PCNT: variants seen among roughly 807,000 people sequenced by gnomAD.
PCNT encodes pericentrin.
PCNT carries 319 observed loss-of-function variants against 380.4 expected under a neutral mutation model. The observed-to-expected ratio is 0.84, with a 90% CI of 0.77 to 0.92. PCNT has a LOEUF of 0.92. Ranked by LOEUF, PCNT falls within the 40% of genes least tolerant of loss-of-function variation. PCNT has a pLI of 0.00. For missense variants in PCNT, 4,400 were observed against 4,255.3 expected (o/e 1.03, Z -0.95); for synonymous variants, 1,845 against 1,735.2 (o/e 1.06, Z -1.57).
Position 46,443,793 on chromosome 21 carries a change from A to G in PCNT, c.9701-17A>G. ...TTATTTTCCTAATCCCTTGGTTGTT[A>G]AATAATTCTGGGGAAGGGCCCCGAG... is the stretch of plus-strand genomic sequence containing the variant. On this transcript the variant is annotated splice_polypyrimidine_tract_variant and intron_variant, in intron 44 of 46. Coordinates refer to ENST00000359568, the MANE Select transcript of PCNT (RefSeq NM_006031.6). The G allele has an allele frequency of 6.2e-7, 1 of 1,613,530 alleles. No homozygotes were observed. The highest frequency in any genetic ancestry group is 2.2e-5 in the East Asian group (1 of 44,882).
chr21:46,357,335 G>A (rs989830002), intron 13 of PCNT, 144 bp downstream of exon 13: 3 of 711,576 alleles, frequency 4.2e-6, no homozygotes, highest in African/African-American at 1.7e-5. Context: ...CGACAGTCCC[G>A]TAAATTCTTG....
intron 31 of PCNT, among the ~76,000 whole-genome samples, chr21:46,418,917 C>G (rs1168783661): frequency 6.6e-6 from 1 of 152,186 alleles, no homozygotes; most frequent in African/African-American, 2.4e-5. Flanking sequence ...TGTGATGGTG[C>G]CTGCCAGGTT....
At chr21:46,444,445 T>C (rs548064321) in intron 45 of PCNT, among the ~76,000 whole-genome samples, 1 of 152,186 alleles carries the variant, frequency 6.6e-6, no homozygotes, top group East Asian at 1.9e-4. Flanking sequence ...AATAGATACA[T>C]CGTCGAAGAT....
chr21:46,376,425 C>CG (rs2085334393), intron 15 of PCNT, among the ~76,000 whole-genome samples: 1 of 152,188 alleles, frequency 6.6e-6, no homozygotes, highest in African/African-American at 2.4e-5. Context: ...GGTTTGCCCT[C>CG]GGGCCCCACA....
At position 46,383,123 on chromosome 21, in the gene PCNT, T is replaced by C. The variant is rs1227061432; in HGVS notation, c.3312+1283T>C. Among the ~76,000 whole-genome samples, 287 of 102,394 alleles carry C rather than the reference T, an allele frequency of 2.8e-3. 5 individuals are homozygous for C. Among genetic ancestry groups the C allele is most frequent in the East Asian group, 0.018 (53 of 2,902 alleles). 67.2% of individuals were successfully genotyped at this position (102,394 alleles called of 152,430 possible). A position where few individuals can be genotyped will look rare whatever the true frequency, so the allele number is the denominator to read the frequency against. ...ATTCACAGTGCTGTGCATTCAGTGG[T>C]GGAAGCCCATTCACGGTGTTGTGCA... On this transcript the variant is annotated intron_variant, in intron 16 of 46. Transcript: ENST00000359568.
chr21:46,349,436 G>T (rs2084188935), intron 7 of PCNT, among the ~76,000 whole-genome samples: 1 of 152,192 alleles, frequency 6.6e-6, no homozygotes, highest in African/African-American at 2.4e-5. Context: ...TTACAAAGCA[G>T]CAGCTTTGTG....
intron 27 of PCNT, 112 bp downstream of exon 27, chr21:46,402,595 G>A (rs113004695): frequency 1.1e-5 from 13 of 1,154,684 alleles, no homozygotes; most frequent in Admixed American, 1.1e-4. Flanking sequence ...ACAGACGCCC[G>A]TGGCCCCCAT....
chr21:46,433,965 C>T (rs962242455), intron 38 of PCNT, among the ~76,000 whole-genome samples: 6 of 152,126 alleles, frequency 3.9e-5, no homozygotes, highest in Non-Finnish European at 7.3e-5. Context: ...TTAGTAGAGA[C>T]GGGGTTTTAC....
chr21:46,393,043 G>A (rs1017305218), intron 21 of PCNT, among the ~76,000 whole-genome samples: 2 of 152,134 alleles, frequency 1.3e-5, no homozygotes, highest in Non-Finnish European at 2.9e-5. Context: ...GCCCTTGCTC[G>A]GGGGTGGATT....
At chr21:46,408,036 G>GT (rs1001507418) in intron 27 of PCNT, among the ~76,000 whole-genome samples, 2 of 151,944 alleles carry the variant, frequency 1.3e-5, no homozygotes, top group Non-Finnish European at 2.9e-5. Context: ...AGTAAAATTA[G>GT]TTTTTTTTAG....
At chr21:46,339,866 G>A (rs1443655771) in intron 3 of PCNT, among the ~76,000 whole-genome samples, 1 of 152,054 alleles carries the variant, frequency 6.6e-6, no homozygotes, top group Non-Finnish European at 1.5e-5. Context: ...GGGATCTAGG[G>A]TTTTCTTCAA....
intron 17 of PCNT, 129 bp downstream of exon 17, chr21:46,386,112 C>G (rs934809557): frequency 9.4e-7 from 1 of 1,064,634 alleles, no homozygotes; most frequent in Middle Eastern, 2.9e-4. Flanking sequence ...TCCTGGTGGA[C>G]GGGGACCCGG....
At chr21:46,430,744 T>C (rs1014627974) in intron 37 of PCNT, 87 bp downstream of exon 37, 13 of 1,544,412 alleles carry the variant, frequency 8.4e-6, no homozygotes, top group Non-Finnish European at 1.1e-5. Context: ...CTTCTTTTCC[T>C]GTTCTTCATG....
chr21:46,416,093 TGTCAGCTGCCGAAG>T lies in PCNT; in HGVS notation c.6179_6192del (p.Gln2060ArgfsTer48), dbSNP rs747771164. 2.5e-6 allele frequency: 4 copies of T among 1,614,152 alleles called. No individual in the cohort carries two copies. In the South Asian group the frequency reaches 4.4e-5, roughly 18 times the overall value. On this transcript the variant is annotated frameshift_variant, in exon 30 of 47. Transcript: ENST00000359568. LOFTEE classifies it high-confidence loss of function. ...GGGTAAAGAAAAAGTACTGGAAGAT[TGTCAGCTGCCGAAG>T]GTCGATCTCGTAGCTCAGGTGAAAC...
intron 31 of PCNT, among the ~76,000 whole-genome samples, chr21:46,421,373 G>A (rs1047203805): frequency 1.4e-4 from 22 of 152,278 alleles, no homozygotes; most frequent in African/African-American, 4.8e-4. Context: ...TCCCTTACAC[G>A]ATCCTGCCTC....
chr21:46,325,302 C>A, intron 1 of PCNT: 1 of 728,412 alleles, frequency 1.4e-6, no homozygotes, highest in Non-Finnish European at 1.7e-6. Context: ...CGGGGCTAGG[C>A]CGGGGAAGGG....
Position 46,445,469 on chromosome 21 carries a change from G to T in PCNT, c.*142G>T, listed in dbSNP as rs1343918736. ...CCAGCCCCCAGATGCCTTGAATTAA[G>T]TGTCCTCACCTTTATGCATGACTGC... On this transcript the variant is annotated 3_prime_UTR_variant, in exon 47 of 47. Transcript: ENST00000359568. 3 of 762,562 alleles carry T rather than the reference G, an allele frequency of 3.9e-6. No homozygotes were observed. Among genetic ancestry groups the T allele is most frequent in the Non-Finnish European group, 7.2e-6 (3 of 415,958 alleles). The allele number at this position is 762,562 out of a possible 1,614,324, so 47.2% of individuals were successfully genotyped here.
intron 33 of PCNT, 85 bp downstream of exon 33, chr21:46,426,056 C>A: frequency 6.5e-5 from 46 of 707,872 alleles, no homozygotes; most frequent in Non-Finnish European, 9.4e-5. Flanking sequence ...CACGTGGACA[C>A]TAGGATTTCT....
chr21:46,416,380 A>G lies in PCNT; in HGVS notation c.6462A>G (p.Thr2154=), dbSNP rs2087027300. 1.2e-6 allele frequency: 2 copies of G among 1,614,034 alleles called. No homozygotes were observed. The highest frequency in any genetic ancestry group is 2.2e-5 in the East Asian group (1 of 44,890). ...CCATAGACGCGTGTGATGCCAATAC[A>G]ACCCCAGGGGGTGTAACTGATGTTA... ...NQAIDACDAN[T]TPGGVTDVIK... is the part of the protein sequence containing the mutation. Residue 2154 remains threonine, a synonymous_variant, in exon 30 of 47, where the codon ACA becomes ACG. Transcript: ENST00000359568.
Sources: gnomAD v4.1 joint callset for allele counts (sites outside exome capture counted in the v4.1 genomes callset) on GRCh38, gnomAD v4.1.1 for gene constraint, MANE v1.5 for transcripts, NCBI Gene and HGNC (gene_info 2026-07-23, HGNC 2026-07-21) for gene names.